The following SH3GL2 variants were observed in gnomAD, a reference collection of about 807,000 sequenced individuals.
SH3GL2 encodes the protein endophilin-A1.
Under a neutral mutation model 46.0 loss-of-function variants are expected in SH3GL2, and 24 were observed. The observed-to-expected ratio is 0.52, with a 90% CI of 0.38 to 0.73. The LOEUF (loss-of-function observed/expected upper bound fraction) is 0.73, where lower values mean the gene tolerates loss of function less well. Among genes scored for constraint, SH3GL2 ranks in the 30% least tolerant of loss-of-function variants. The pLI is 0.00. For missense variants in SH3GL2, 413 were observed against 424.2 expected (o/e 0.97, Z 0.23); for synonymous variants, 196 against 147.1 (o/e 1.33, Z -2.40).
At chr9:17,757,806 T>G (rs1390881294) in intron 2 of SH3GL2, among the ~76,000 whole-genome samples, 1 of 152,196 alleles carries the variant, frequency 6.6e-6, no homozygotes, top group African/African-American at 2.4e-5. Flanking sequence ...TATGCTAAGT[T>G]AATCAGGCCT....
chr9:17,657,772 A>C (rs76646705), intron 1 of SH3GL2, among the ~76,000 whole-genome samples: 6,317 of 152,246 alleles, frequency 0.041, 439 homozygotes, highest in African/African-American at 0.14. Context: ...GGTAGTTGTG[A>C]GGATTAAATG....
intron 1 of SH3GL2, among the ~76,000 whole-genome samples, chr9:17,602,602 G>T (rs1443998167): frequency 2.6e-5 from 4 of 152,056 alleles, no homozygotes; most frequent in African/African-American, 7.2e-5. Flanking sequence ...TGTAGACCTG[G>T]CAGTATAAAA....
intron 1 of SH3GL2, among the ~76,000 whole-genome samples, chr9:17,731,443 GAGAGAGAGACAGAC>G (rs1355703613): frequency 1.3e-5 from 2 of 151,530 alleles, no homozygotes; most frequent in Non-Finnish European, 2.9e-5. Context: ...GAGAAAGAGA[GAGAGAGAGACAGAC>G]AGAGAGAGAG....
intron 1 of SH3GL2, among the ~76,000 whole-genome samples, chr9:17,644,673 C>T (rs976626909): frequency 6.6e-6 from 1 of 152,190 alleles, no homozygotes; most frequent in Non-Finnish European, 1.5e-5. Flanking sequence ...TTTGATTACA[C>T]TGTGGCTTGA....
intron 1 of SH3GL2, among the ~76,000 whole-genome samples, chr9:17,645,886 T>G (rs1418480699): frequency 1.3e-5 from 2 of 152,060 alleles, no homozygotes; most frequent in Non-Finnish European, 2.9e-5. Context: ...CTTTGTGGTG[T>G]TCTCTGTATT....
chr9:17,602,655 A>G (rs1439248125), intron 1 of SH3GL2, among the ~76,000 whole-genome samples: 2 of 152,206 alleles, frequency 1.3e-5, no homozygotes, highest in Non-Finnish European at 2.9e-5. Context: ...ATTATAAACA[A>G]AACGCTAACA....
At chr9:17,713,177 T>G (rs1055982285) in intron 1 of SH3GL2, among the ~76,000 whole-genome samples, 22 of 151,576 alleles carry the variant, frequency 1.5e-4, no homozygotes, top group Admixed American at 1.3e-3. Context: ...ATTGATGTTT[T>G]GAGTGTTAAG....
At chr9:17,579,548 C>A (rs895544665) in intron 1 of SH3GL2, among the ~76,000 whole-genome samples, 3 of 152,136 alleles carry the variant, frequency 2.0e-5, no homozygotes, top group Admixed American at 1.3e-4. Flanking sequence ...TGCTCGCCGC[C>A]CCCGCATCAT....
At chr9:17,661,294 T>C (rs1396477097) in intron 1 of SH3GL2, among the ~76,000 whole-genome samples, 1 of 152,172 alleles carries the variant, frequency 6.6e-6, no homozygotes, top group Admixed American at 6.5e-5. Context: ...GGCAGGGATA[T>C]CAATATAGGA....
chr9:17,608,323 C>T lies in SH3GL2; in HGVS notation c.45+29036C>T, dbSNP rs770522637. On this transcript the variant is annotated intron_variant, in intron 1 of 8. Coordinates refer to ENST00000380607, the MANE Select transcript of SH3GL2 (RefSeq NM_003026.5). The stretch of plus-strand genomic sequence containing the variant: ...CCACCACACCTGGCTAAATTTTGTA[C>T]TTTTAGTAGAGACAGGGTTTCACCG... Among the ~76,000 whole-genome samples the T allele has an allele frequency of 1.1e-3, 167 of 151,910 alleles. 2 individuals are homozygous for T. Among genetic ancestry groups the T allele is most frequent in the Non-Finnish European group, 4.4e-4 (30 of 67,956 alleles).
intron 3 of SH3GL2, among the ~76,000 whole-genome samples, chr9:17,783,838 A>G (rs1014364828): frequency 6.6e-6 from 1 of 152,170 alleles, no homozygotes; most frequent in African/African-American, 2.4e-5. Flanking sequence ...GAAGGGACAC[A>G]GATCTCTAAG....
At chr9:17,671,504 C>T (rs1820473799) in intron 1 of SH3GL2, among the ~76,000 whole-genome samples, 1 of 152,032 alleles carries the variant, frequency 6.6e-6, no homozygotes, top group African/African-American at 2.4e-5. Context: ...TTGATTGTAT[C>T]ACAGAGGATA....
chr9:17,794,713 A>G (rs931589511), intron 8 of SH3GL2, among the ~76,000 whole-genome samples: 5 of 152,316 alleles, frequency 3.3e-5, no homozygotes, highest in African/African-American at 1.2e-4. Flanking sequence ...GTCATTTGGA[A>G]TAGATCCCTC....
chr9:17,611,253 T>G (rs1222412185), intron 1 of SH3GL2, among the ~76,000 whole-genome samples: 1 of 152,246 alleles, frequency 6.6e-6, no homozygotes, highest in African/African-American at 2.4e-5. Context: ...GTTTTCATGA[T>G]CATGAAGTAA....
chr9:17,672,767 C>CT lies in SH3GL2; in HGVS notation c.46-74294dup, dbSNP rs557954212. ...AGACCTCTCAGATATAAATACATCT[C>CT]TTTTTACTTCAGAAGCTTTCCATGG... On this transcript the variant is annotated intron_variant, in intron 1 of 8. Coordinates refer to ENST00000380607, the MANE Select transcript of SH3GL2 (RefSeq NM_003026.5). 4.7e-3 allele frequency among the ~76,000 whole-genome samples: 719 copies of CT among 152,264 alleles called. 10 individuals are homozygous for CT. Among genetic ancestry groups the CT allele is most frequent in the African/African-American group, 0.016 (671 of 41,568 alleles).
chr9:17,589,495 C>G (rs568534356), intron 1 of SH3GL2: 1 of 152,184 alleles, frequency 6.6e-6, no homozygotes, highest in South Asian at 2.1e-4. Context: ...TGAGCAGTAC[C>G]TTAGCCTGGT....
chr9:17,628,329 A>T (rs1266668890), intron 1 of SH3GL2, among the ~76,000 whole-genome samples: 1 of 152,040 alleles, frequency 6.6e-6, no homozygotes, highest in Non-Finnish European at 1.5e-5. Flanking sequence ...GTAGAGTAGG[A>T]ACATTAATCT....
chr9:17,629,816 CA>C (rs1375024756), intron 1 of SH3GL2, among the ~76,000 whole-genome samples: 1 of 152,106 alleles, frequency 6.6e-6, no homozygotes, highest in Non-Finnish European at 1.5e-5. Flanking sequence ...TGTCTCAGTC[CA>C]GGAAGTTCTG....
In SH3GL2 at chr9:17,648,979, G is replaced by A. The variant is rs756922267; in HGVS notation, c.45+69692G>A. On this transcript the variant is annotated intron_variant, in intron 1 of 8. Transcript: ENST00000380607. ...CAGGGATCTTATCTATCTCTGAATA[G>A]AACTGTGTTTCCTGTATGATGTTGT... Among the ~76,000 whole-genome samples the A allele has an allele frequency of 2.1e-3, 323 of 152,282 alleles. 3 individuals are homozygous for A. The highest frequency in any genetic ancestry group is 3.3e-3 in the Non-Finnish European group (223 of 68,020).
Sources: allele counts gnomAD v4.1 joint callset (sites outside exome capture counted in the v4.1 genomes callset), GRCh38; gene constraint gnomAD v4.1.1; transcripts MANE v1.5; gene names NCBI Gene and HGNC (gene_info 2026-07-23, HGNC 2026-07-21).